ASCC3: variants seen among roughly 807,000 people sequenced by gnomAD.
ASCC3 encodes activating signal cointegrator 1 complex subunit 3.
A neutral mutation model predicts 256.3 loss-of-function variants in ASCC3; 158 were observed. That is an observed-to-expected ratio of 0.62 (90% CI 0.54 to 0.70). The LOEUF (loss-of-function observed/expected upper bound fraction) is 0.70. Ranked by LOEUF, ASCC3 falls within the 30% of genes least tolerant of loss-of-function variation. ASCC3 has a pLI of 0.00. For synonymous variants in ASCC3, 948 were observed against 883.4 expected, an observed-to-expected ratio of 1.07 and a Z score of -1.30; for missense variants, 2,259 against 2,626.0, an observed-to-expected ratio of 0.86 and a Z score of 3.05.
At chr6:100,543,831 T>C (rs1775580575) in intron 36 of ASCC3, among the ~76,000 whole-genome samples, 1 of 152,092 alleles carries the variant, frequency 6.6e-6, no homozygotes, top group Non-Finnish European at 1.5e-5. Context: ...GAATATAGAA[T>C]TGAACAACAC....
At chr6:100,580,118 C>T (rs140197532) in intron 36 of ASCC3, among the ~76,000 whole-genome samples, 1 of 152,126 alleles carries the variant, frequency 6.6e-6, no homozygotes, top group East Asian at 1.9e-4. Flanking sequence ...CTTGACTTGG[C>T]TCTCAGCTTG....
chr6:100,848,765 T>C (rs1191496793), intron 3 of ASCC3, 58 bp from the exon 4 acceptor site: 2 of 1,552,210 alleles, frequency 1.3e-6, no homozygotes, highest in Non-Finnish European at 1.8e-6. Context: ...CAAGTTACGA[T>C]CTTCCAAAAA....
chr6:100,613,054 T>TTTTC (rs144636791), intron 30 of ASCC3, among the ~76,000 whole-genome samples: 1 of 151,696 alleles, frequency 6.6e-6, no homozygotes, highest in East Asian at 1.9e-4. Context: ...TTAATTCTTT[T>TTTTC]TTTCTTTCTT....
At chr6:100,862,988 T>G (rs746434536) in intron 3 of ASCC3, among the ~76,000 whole-genome samples, 1 of 152,166 alleles carries the variant, frequency 6.6e-6, no homozygotes, top group African/African-American at 2.4e-5. Context: ...TTTGAGGAAG[T>G]TGAAGACAGA....
At chr6:100,563,814 TTAAAA>T (rs1456088921) in intron 36 of ASCC3, among the ~76,000 whole-genome samples, 1 of 152,094 alleles carries the variant, frequency 6.6e-6, no homozygotes, top group Non-Finnish European at 1.5e-5. Context: ...GCTATCAATA[TTAAAA>T]TATTAAAATT....
chr6:100,876,254 ACT>A (rs756800283), intron 1 of ASCC3, among the ~76,000 whole-genome samples: 77 of 152,246 alleles, frequency 5.1e-4, no homozygotes, highest in African/African-American at 1.7e-3. Context: ...CACCAAAATG[ACT>A]CTGATTTTAT....
chr6:100,712,208 C>T (rs1367253859), intron 13 of ASCC3, among the ~76,000 whole-genome samples: 1 of 152,052 alleles, frequency 6.6e-6, no homozygotes, highest in Non-Finnish European at 1.5e-5. Context: ...TTGGATATGG[C>T]AGTAACTCTT....
At chr6:100,762,299 AAATGC>A (rs1781457690) in intron 10 of ASCC3, among the ~76,000 whole-genome samples, 1 of 152,222 alleles carries the variant, frequency 6.6e-6, no homozygotes, top group Non-Finnish European at 1.5e-5. Flanking sequence ...AACTCAGAGC[AAATGC>A]TTTGCTTTAA....
Position 100,796,365 on chromosome 6 carries a change from C to T in ASCC3, c.1395+2348G>A, listed in dbSNP as rs140518893. Among the ~76,000 whole-genome samples, 4 of 152,176 alleles carry T rather than the reference C, an allele frequency of 2.6e-5. No individual in the cohort carries two copies. In the East Asian group the frequency reaches 7.7e-4, roughly 29 times the overall value. The stretch of plus-strand genomic sequence containing the variant: ...GGACATTTATTAAACAGAATGAAAA[C>T]TTATATTCACACAAAAATCTGCATA... On this transcript the variant is annotated intron_variant, in intron 8 of 41. Transcript: ENST00000369162.
chr6:100,613,276 C>A (rs2114829987), intron 30 of ASCC3, among the ~76,000 whole-genome samples: 1 of 151,994 alleles, frequency 6.6e-6, no homozygotes, highest in South Asian at 2.1e-4. Flanking sequence ...TCCAAGTCTC[C>A]ATTGTATATT....
Position 100,608,250 on chromosome 6 carries a change from T to C in ASCC3, c.4786-1162A>G, listed in dbSNP as rs1354696034. 3.1e-4 allele frequency among the ~76,000 whole-genome samples: 11 copies of C among 35,634 alleles called. 3 individuals carry two copies. Among genetic ancestry groups the C allele is most frequent in the Non-Finnish European group, 6.4e-4 (11 of 17,070 alleles). The allele number at this position is 35,634 out of a possible 152,430, so 23.4% of individuals were successfully genotyped here. On this transcript the variant is annotated intron_variant, in intron 30 of 41. Transcript: ENST00000369162. ...TTATATACTTTATACTTTATATATA[T>C]ACTTTATATATACTTTATATATATA... is the stretch of plus-strand genomic sequence containing the variant.
At chr6:100,663,943 T>A (rs1030130303) in intron 14 of ASCC3, among the ~76,000 whole-genome samples, 5 of 152,110 alleles carry the variant, frequency 3.3e-5, no homozygotes, top group Admixed American at 6.6e-5. Context: ...GGGACTACTG[T>A]AATAATGTTA....
At chr6:100,691,095 T>C (rs942327594) in intron 13 of ASCC3, among the ~76,000 whole-genome samples, 2 of 152,022 alleles carry the variant, frequency 1.3e-5, no homozygotes, top group Non-Finnish European at 2.9e-5. Context: ...AAGTATAATT[T>C]AAAAAACCAG....
chr6:100,647,500 A>T, intron 20 of ASCC3, 49 bp from the exon 21 acceptor site: 1 of 1,493,772 alleles, frequency 6.7e-7, no homozygotes, highest in Non-Finnish European at 9.3e-7. Flanking sequence ...TGTGCTTTTA[A>T]ATTTGTCAAT....
intron 30 of ASCC3, among the ~76,000 whole-genome samples, chr6:100,608,067 TATAC>T (rs1415106925): frequency 8.5e-6 from 1 of 117,934 alleles, no homozygotes; most frequent in African/African-American, 3.2e-5. Flanking sequence ...TACACATATA[TATAC>T]ATATATATGT....
chr6:100,575,701 A>G (rs1770822866), intron 36 of ASCC3, among the ~76,000 whole-genome samples: 1 of 152,088 alleles, frequency 6.6e-6, no homozygotes, highest in South Asian at 2.1e-4. Context: ...AACCATAACA[A>G]CCGAGTGTAC....
intron 4 of ASCC3, among the ~76,000 whole-genome samples, chr6:100,835,444 T>A (rs1771828438): frequency 6.6e-6 from 1 of 152,152 alleles, no homozygotes; most frequent in Non-Finnish European, 1.5e-5. Flanking sequence ...TTTGAGTTGA[T>A]TTTTGTACAT....
intron 4 of ASCC3, among the ~76,000 whole-genome samples, chr6:100,844,153 A>T (rs1169006759): frequency 7.1e-6 from 1 of 141,758 alleles, no homozygotes; most frequent in African/African-American, 2.6e-5. Flanking sequence ...TTTCTTCAAA[A>T]AATCTGATGG....
chr6:100,739,766 T>G (rs1780341193), intron 10 of ASCC3, among the ~76,000 whole-genome samples: 1 of 152,236 alleles, frequency 6.6e-6, no homozygotes, highest in African/African-American at 2.4e-5. Context: ...TATATTTCTG[T>G]GGGGTCAGTG....
Sources: allele counts gnomAD v4.1 joint callset (sites outside exome capture counted in the v4.1 genomes callset), GRCh38; gene constraint gnomAD v4.1.1; transcripts MANE v1.5; gene names NCBI Gene and HGNC (gene_info 2026-07-23, HGNC 2026-07-21).